The following ANKRD12 variants were observed in gnomAD, a reference collection of about 807,000 sequenced individuals.
ANKRD12 encodes ankyrin repeat domain 12, also known as ankyrin repeat domain-containing protein 12.
In ANKRD12, 85 loss-of-function variants were observed where a neutral mutation model predicts 183.4. The ratio of observed to expected loss-of-function variants is 0.46; its 90% CI spans 0.39 to 0.56. The LOEUF (loss-of-function observed/expected upper bound fraction) is 0.56. Ranked by LOEUF, ANKRD12 falls within the 20% of genes least tolerant of loss-of-function variation. ANKRD12 has a pLI of 0.00. For missense variants in ANKRD12, 2,405 were observed against 2,357.1 expected (o/e 1.02, Z -0.42); for synonymous variants, 914 against 800.2 (o/e 1.14, Z -2.40).
At chr18:9,201,609 A>G (rs1450762343) in intron 3 of ANKRD12, among the ~76,000 whole-genome samples, 1 of 152,208 alleles carries the variant, frequency 6.6e-6, no homozygotes, top group African/African-American at 2.4e-5. Flanking sequence ...AGCCTCCAGC[A>G]GTATATGAAT....
chr18:9,139,086 C>T (rs1477462562), intron 1 of ANKRD12, among the ~76,000 whole-genome samples: 2 of 152,158 alleles, frequency 1.3e-5, no homozygotes, highest in Non-Finnish European at 2.9e-5. Context: ...GTTTTATGAA[C>T]TACGCAGAAC....
intron 8 of ANKRD12, among the ~76,000 whole-genome samples, chr18:9,228,692 T>C (rs1410289015): frequency 6.6e-6 from 1 of 152,136 alleles, no homozygotes; most frequent in Non-Finnish European, 1.5e-5. Flanking sequence ...GGTACTTGAA[T>C]TTCTTGTATA....
chr18:9,164,539 T>C (rs1354883393), intron 1 of ANKRD12, among the ~76,000 whole-genome samples: 4 of 152,220 alleles, frequency 2.6e-5, no homozygotes, highest in African/African-American at 9.6e-5. Flanking sequence ...GGGCATTTAG[T>C]GCTATAGATT....
At chr18:9,171,939 GA>G (rs1240704194) in intron 1 of ANKRD12, among the ~76,000 whole-genome samples, 6 of 150,786 alleles carry the variant, frequency 4.0e-5, no homozygotes, top group Non-Finnish European at 5.9e-5. Context: ...AGAATCACTT[GA>G]ACCCGGGAGG....
chr18:9,278,631 T>C (rs1306727959), intron 11 of ANKRD12, among the ~76,000 whole-genome samples: 1 of 152,166 alleles, frequency 6.6e-6, no homozygotes, highest in Non-Finnish European at 1.5e-5. Context: ...ACCACATCTC[T>C]AGTAAAAATA....
At chr18:9,186,750 C>G (rs1256016026) in intron 2 of ANKRD12, among the ~76,000 whole-genome samples, 2 of 117,276 alleles carry the variant, frequency 1.7e-5, no homozygotes, top group African/African-American at 6.5e-5. Flanking sequence ...CTTTGATTGT[C>G]TTTTTTTTTT....
At chr18:9,230,154 CTT>C (rs1267346310) in intron 8 of ANKRD12, among the ~76,000 whole-genome samples, 4 of 152,060 alleles carry the variant, frequency 2.6e-5, no homozygotes, top group Non-Finnish European at 4.4e-5. Context: ...TGTTAGGAGA[CTT>C]TTTATTACTG....
chr18:9,196,223 C>CACACACAT (rs199953345), intron 3 of ANKRD12, among the ~76,000 whole-genome samples: 1 of 52,486 alleles, frequency 1.9e-5, no homozygotes, highest in East Asian at 5.4e-4. Flanking sequence ...CACACACACA[C>CACACACAT]TGAGGCTAAC....
intron 1 of ANKRD12, among the ~76,000 whole-genome samples, chr18:9,165,018 T>C (rs1598428848): frequency 2.0e-5 from 3 of 152,154 alleles, no homozygotes; most frequent in Admixed American, 2.0e-4. Context: ...CCCACTATTA[T>C]TATGTGTGAG....
chr18:9,149,792 A>ATTTTTTTTT (rs75749856), intron 1 of ANKRD12, among the ~76,000 whole-genome samples: 3 of 28,216 alleles, frequency 1.1e-4, no homozygotes, highest in Admixed American at 3.4e-4. Context: ...TTATTTATTA[A>ATTTTTTTTT]ATTTTATTTT....
At chr18:9,205,632 C>T (rs2035445281) in intron 4 of ANKRD12, among the ~76,000 whole-genome samples, 1 of 152,076 alleles carries the variant, frequency 6.6e-6, no homozygotes, top group African/African-American at 2.4e-5. Context: ...CCTGAAAGAG[C>T]TGTATGTATA....
At chr18:9,172,722 G>T (rs912120382) in intron 1 of ANKRD12, among the ~76,000 whole-genome samples, 7 of 152,100 alleles carry the variant, frequency 4.6e-5, no homozygotes, top group African/African-American at 1.7e-4. Context: ...ACTTCTATCA[G>T]TTCAGCCATC....
At chr18:9,143,409 C>T (rs553694397) in intron 1 of ANKRD12, among the ~76,000 whole-genome samples, 10 of 152,282 alleles carry the variant, frequency 6.6e-5, no homozygotes, top group South Asian at 4.1e-4. Flanking sequence ...TCAGAAATTA[C>T]GCTTATCTTC....
intron 2 of ANKRD12, among the ~76,000 whole-genome samples, chr18:9,184,895 G>A (rs1229324404): frequency 6.6e-6 from 1 of 152,006 alleles, no homozygotes; most frequent in East Asian, 1.9e-4. Flanking sequence ...CTCCTCAGTT[G>A]ATCTCACGGA....
chr18:9,259,208 A>G (rs1182833540), intron 9 of ANKRD12, among the ~76,000 whole-genome samples: 1 of 152,178 alleles, frequency 6.6e-6, no homozygotes, highest in African/African-American at 2.4e-5. Context: ...TTAGAACTTT[A>G]TACAAACTAT....
chr18:9,187,543 C>A (rs1237315494), intron 2 of ANKRD12, among the ~76,000 whole-genome samples: 1 of 152,134 alleles, frequency 6.6e-6, no homozygotes, highest in South Asian at 2.1e-4. Context: ...TCCTTAAATT[C>A]ATTTAAGTAG....
chr18:9,179,638 C>T (rs1395166059), intron 1 of ANKRD12, among the ~76,000 whole-genome samples: 2 of 152,080 alleles, frequency 1.3e-5, no homozygotes, highest in African/African-American at 4.8e-5. Flanking sequence ...ACCTCAGCCT[C>T]CTGAGTAGCT....
Position 9,256,286 on chromosome 18 carries a change from G to T in ANKRD12, c.3019G>T (p.Glu1007Ter). The change falls in exon 9 of 13, where the codon GAA (glutamate) becomes TAA (stop). Residue 1007 changes from glutamate (E) to a stop codon, truncating the protein, a stop_gained. Transcript: ENST00000262126. LOFTEE classifies it high-confidence loss of function. The stretch of plus-strand genomic sequence containing the variant: ...ATCCCTTAAAGAAAAAACAAAAGAT[G>T]AACCTTTGAAAACTCCAGATGGAAA... Reference protein sequence around the residue: ...PLSLKEKTKDEPLKTPDGKEK... With the variant: ...PLSLKEKTKD The T allele has an allele frequency of 6.2e-7, 1 of 1,605,062 alleles. No individual in the cohort carries two copies. The highest frequency in any genetic ancestry group is 1.1e-5 in the South Asian group (1 of 88,922).
At chr18:9,237,429 G>A (rs1598648341) in intron 8 of ANKRD12, among the ~76,000 whole-genome samples, 1 of 152,136 alleles carries the variant, frequency 6.6e-6, no homozygotes, top group Non-Finnish European at 1.5e-5. Context: ...TCATGATCTA[G>A]CAGTCAAACT....
Sources: allele counts gnomAD v4.1 joint callset (sites outside exome capture counted in the v4.1 genomes callset), GRCh38; gene constraint gnomAD v4.1.1; transcripts MANE v1.5; gene names NCBI Gene and HGNC (gene_info 2026-07-23, HGNC 2026-07-21).